Variants in LNX1 observed in about 807,000 individuals in gnomAD.
LNX1 encodes ligand of numb-protein X 1.
A neutral mutation model predicts 68.4 loss-of-function variants in LNX1; 54 were observed. That is an observed-to-expected ratio of 0.79 (90% confidence interval 0.63 to 0.99). LNX1 has a LOEUF of 0.99. Among genes scored for constraint, LNX1 ranks in the 50% least tolerant of loss-of-function variants. The probability of loss-of-function intolerance (pLI) is 0.00; values close to 1 mark genes in which losing one functional copy is unlikely to be tolerated. For missense variants in LNX1, 906 were observed against 926.4 expected, an observed-to-expected ratio of 0.98 and a Z score of 0.29; for synonymous variants, 336 against 350.0, an observed-to-expected ratio of 0.96 and a Z score of 0.45.
chr4:53,505,749 T>C (rs1474758341), intron 4 of LNX1, among the ~76,000 whole-genome samples: 1 of 152,164 alleles, frequency 6.6e-6, no homozygotes, highest in Non-Finnish European at 1.5e-5. Context: ...TACAGTTACA[T>C]GAAACATGAT....
intron 7 of LNX1, among the ~76,000 whole-genome samples, chr4:53,480,201 T>A (rs1723823005): frequency 6.6e-6 from 1 of 152,220 alleles, no homozygotes; most frequent in Admixed American, 6.5e-5. Context: ...TATGTTACTT[T>A]TTTGTGAGGA....
At chr4:53,613,997 A>G (rs992109043) in intron 2 of LNX1, among the ~76,000 whole-genome samples, 33 of 151,846 alleles carry the variant, frequency 2.2e-4, no homozygotes, top group Non-Finnish European at 4.6e-4. Flanking sequence ...CCCTTTTTTG[A>G]TAATAGCCGT....
intron 2 of LNX1, among the ~76,000 whole-genome samples, chr4:53,518,715 T>C (rs900424475): frequency 5.9e-5 from 9 of 152,164 alleles, no homozygotes; most frequent in African/African-American, 2.2e-4. Flanking sequence ...GGATTTAAAC[T>C]GAAGGCAGAG....
chr4:53,575,815 G>A (rs1258765520), intron 1 of LNX1: 2 of 1,586,548 alleles, frequency 1.3e-6, no homozygotes, highest in African/African-American at 2.7e-5. Context: ...AGAGGTGGCA[G>A]CAATGGACCA....
chr4:53,478,859 A>C, intron 7 of LNX1, 117 bp from the exon 8 acceptor site: 1 of 961,136 alleles, frequency 1.0e-6, no homozygotes, highest in South Asian at 1.7e-5. Flanking sequence ...AAAGCTGCAT[A>C]AATTATGCAA....
chr4:53,601,986 C>T (rs1248124017), intron 2 of LNX1, among the ~76,000 whole-genome samples: 4 of 152,160 alleles, frequency 2.6e-5, no homozygotes, highest in Admixed American at 6.5e-5. Flanking sequence ...TGACTGACTT[C>T]TCCAGTCAGC....
intron 2 of LNX1, among the ~76,000 whole-genome samples, chr4:53,598,898 T>C (rs188589801): frequency 8.9e-4 from 135 of 152,296 alleles, no homozygotes; most frequent in African/African-American, 3.1e-3. Flanking sequence ...ATGACAAAGA[T>C]GGAAAGAATC....
chr4:53,632,176 C>T lies in LNX1; in HGVS notation c.-215+19992G>A, dbSNP rs142809991. Among the ~76,000 whole-genome samples, 127 of 152,238 alleles carry T rather than the reference C, an allele frequency of 8.3e-4. 1 individual carries two copies. The East Asian group carries it at 0.011, about 14-fold the overall frequency. ...ATGAGGTCCACTGCCTGAGGCTGGC[C>T]GCTGCGGTGGCCAGGTCTTTGGAAC... On this transcript the variant is annotated intron_variant, in intron 1 of 2. Transcript: ENST00000507168.
chr4:53,611,637 T>G (rs1733502468), intron 2 of LNX1, among the ~76,000 whole-genome samples: 1 of 152,144 alleles, frequency 6.6e-6, no homozygotes, highest in African/African-American at 2.4e-5. Context: ...GTAATTGTGG[T>G]TTTTACCACT....
chr4:53,499,757 C>T (rs144958465), intron 4 of LNX1, among the ~76,000 whole-genome samples: 356 of 152,310 alleles, frequency 2.3e-3, no homozygotes, highest in African/African-American at 8.4e-3. Flanking sequence ...TTCTACCAGA[C>T]ATTGTTGTTA....
Position 53,608,051 on chromosome 4 carries a change from G to A in LNX1, c.-215+8466C>T, listed in dbSNP as rs535184393. On this transcript the variant is annotated intron_variant, in intron 2 of 3. Coordinates refer to the LNX1 transcript ENST00000504299. ...CTAGGAAATGCCATTCTGGACACAG[G>A]GTATGGCAAAGATTTCATTAAGAAG... Among the ~76,000 whole-genome samples the A allele has an allele frequency of 1.2e-4, 19 of 152,152 alleles. No individual in the cohort carries two copies. In the South Asian group the frequency reaches 3.3e-3, roughly 27 times the overall value.
chr4:53,478,756 T>A lies in LNX1; in HGVS notation c.1486-14A>T, dbSNP rs202180102. Reference sequence around the variant, plus strand: ...AGGATGGAGGGGCTGAAGGCACAGATGGAAAAACATGGCACATGAATTCAC... The same window carrying A: ...AGGATGGAGGGGCTGAAGGCACAGAAGGAAAAACATGGCACATGAATTCAC... On this transcript the variant is annotated splice_polypyrimidine_tract_variant and intron_variant, in intron 7 of 10. Transcript: ENST00000263925. 1 of 1,605,978 alleles carries A rather than the reference T, an allele frequency of 6.2e-7. No homozygotes were observed. The highest frequency in any genetic ancestry group is 1.3e-5 in the African/African-American group (1 of 74,692).
chr4:53,628,907 T>C (rs906374898), intron 1 of LNX1, among the ~76,000 whole-genome samples: 2 of 152,126 alleles, frequency 1.3e-5, no homozygotes, highest in African/African-American at 4.8e-5. Flanking sequence ...TTCTCACTTA[T>C]AAGTTGGAGC....
At chr4:53,517,649 T>C (rs1221139717) in intron 2 of LNX1, among the ~76,000 whole-genome samples, 1 of 152,212 alleles carries the variant, frequency 6.6e-6, no homozygotes, top group Non-Finnish European at 1.5e-5. Context: ...TAATAGCTCT[T>C]TGGCCTAAAG....
intron 2 of LNX1, among the ~76,000 whole-genome samples, chr4:53,528,973 A>G (rs574118193): frequency 1.2e-4 from 18 of 152,290 alleles, no homozygotes; most frequent in African/African-American, 3.8e-4. Flanking sequence ...AGAGGAAAGC[A>G]GAATAGCCCA....
intron 2 of LNX1, among the ~76,000 whole-genome samples, chr4:53,605,587 C>T (rs1291389845): frequency 6.6e-6 from 1 of 152,148 alleles, no homozygotes; most frequent in Non-Finnish European, 1.5e-5. Flanking sequence ...ATAACCCTGT[C>T]CTCTCACCCC....
At chr4:53,512,989 G>T (rs1411348327) in intron 2 of LNX1, among the ~76,000 whole-genome samples, 1 of 152,060 alleles carries the variant, frequency 6.6e-6, no homozygotes, top group Non-Finnish European at 1.5e-5. Flanking sequence ...CCAAACCCTG[G>T]AGCTGGTCCT....
At chr4:53,621,122 T>C (rs1278216877), upstream of LNX1, among the ~76,000 whole-genome samples, 3 of 152,162 alleles carry the variant, frequency 2.0e-5, no homozygotes, top group Non-Finnish European at 4.4e-5. Flanking sequence ...AGCTTGTTAG[T>C]GCAGCAGAAT....
chr4:53,586,511 A>C (rs1732180422), intron 1 of LNX1, among the ~76,000 whole-genome samples: 1 of 152,220 alleles, frequency 6.6e-6, no homozygotes, highest in Non-Finnish European at 1.5e-5. Flanking sequence ...AATAAGAGTC[A>C]CTTGAAAAAA....
Sources: gnomAD v4.1 joint callset for allele counts (sites outside exome capture counted in the v4.1 genomes callset) on GRCh38, gnomAD v4.1.1 for gene constraint, MANE v1.5 for transcripts, NCBI Gene and HGNC (gene_info 2026-07-23, HGNC 2026-07-21) for gene names.